The following PSMG2 variants were observed in gnomAD, a reference collection of about 807,000 sequenced individuals.
PSMG2 encodes the protein CD40 ligand-activated specific transcript 3.
Under a neutral mutation model 31.5 loss-of-function variants are expected in PSMG2, and 21 were observed. The ratio of observed to expected loss-of-function variants is 0.67; its 90% CI spans 0.47 to 0.96. The LOEUF (loss-of-function observed/expected upper bound fraction) is 0.96. Ranked by LOEUF, PSMG2 falls within the 40% of genes least tolerant of loss-of-function variation. PSMG2 has a pLI of 0.00. For missense variants in PSMG2, 318 were observed against 321.2 expected (o/e 0.99, Z 0.08); for synonymous variants, 120 against 110.4 (o/e 1.09, Z -0.54).
intron 2 of PSMG2, among the ~76,000 whole-genome samples, chr18:12,711,847 G>C (rs945744880): frequency 7.2e-6 from 1 of 139,300 alleles, no homozygotes; most frequent in Non-Finnish European, 1.5e-5. Context: ...TCCGCCCCCC[G>C]GGTTCACGCC....
intron 1 of PSMG2, chr18:12,678,131 A>T: frequency 6.2e-7 from 1 of 1,612,810 alleles, no homozygotes; most frequent in Non-Finnish European, 8.5e-7. Flanking sequence ...TGACACCAGG[A>T]GCCTCAGCTG....
chr18:12,699,992 C>A, upstream of PSMG2: 1 of 799,676 alleles, frequency 1.3e-6, no homozygotes, highest in South Asian at 2.2e-5. Flanking sequence ...AAGCACTGAA[C>A]CTAAAGTCAA....
At chr18:12,717,081 C>G (rs112756528) in intron 3 of PSMG2, among the ~76,000 whole-genome samples, 1 of 151,290 alleles carries the variant, frequency 6.6e-6, no homozygotes, top group Admixed American at 6.6e-5. Flanking sequence ...TCCTGAGTAC[C>G]TGGGGCTACA....
chr18:12,705,847 A>G (rs1257871853), intron 1 of PSMG2, among the ~76,000 whole-genome samples: 1 of 152,042 alleles, frequency 6.6e-6, no homozygotes, highest in East Asian at 1.9e-4. Flanking sequence ...ATTGCAATCA[A>G]CCATGTACAC....
At chr18:12,719,186 C>CAT (rs2040405970) in intron 4 of PSMG2, among the ~76,000 whole-genome samples, 1 of 151,938 alleles carries the variant, frequency 6.6e-6, no homozygotes, top group African/African-American at 2.4e-5. Flanking sequence ...ATTGGGATTG[C>CAT]ATGTGTGAGC....
chr18:12,675,499 A>G (rs1184105592), intron 1 of PSMG2, among the ~76,000 whole-genome samples: 2 of 152,196 alleles, frequency 1.3e-5, no homozygotes, highest in Non-Finnish European at 2.9e-5. Context: ...CAGAGGTGAG[A>G]AAAGTCAACA....
chr18:12,695,147 G>A (rs904920615), intron 1 of PSMG2: 5 of 476,310 alleles, frequency 1.0e-5, no homozygotes, highest in Admixed American at 4.1e-5. Context: ...AATCTAGAAA[G>A]TAATAAATGG....
intron 1 of PSMG2, chr18:12,673,357 TA>T (rs773471648): frequency 1.9e-5 from 30 of 1,599,818 alleles, no homozygotes; most frequent in Middle Eastern, 3.3e-4. Flanking sequence ...CTTATATAAA[TA>T]TTGGCCCTAT....
At chr18:12,689,782 A>G (rs181849485) in intron 1 of PSMG2, among the ~76,000 whole-genome samples, 211 of 150,888 alleles carry the variant, frequency 1.4e-3, no homozygotes, top group South Asian at 2.9e-3. Flanking sequence ...ATATATATGT[A>G]TATTTTTTGT....
intron 5 of PSMG2, 83 bp from the exon 6 acceptor site, chr18:12,724,416 A>C: frequency 7.4e-7 from 1 of 1,348,562 alleles, no homozygotes. Context: ...CAGGTAGGTT[A>C]TCGTAGCTGT....
At chr18:12,698,375 G>A (rs939060561), upstream of PSMG2, among the ~76,000 whole-genome samples, 5 of 152,066 alleles carry the variant, frequency 3.3e-5, no homozygotes, top group Non-Finnish European at 7.4e-5. Flanking sequence ...CGACATGTTG[G>A]CTAGGCTGGT....
intron 1 of PSMG2, among the ~76,000 whole-genome samples, chr18:12,681,996 TA>T (rs1163314226): frequency 1.6e-3 from 217 of 135,982 alleles, no homozygotes; most frequent in Middle Eastern, 3.6e-3. Flanking sequence ...ACTCTGTCTC[TA>T]AAAAAAAAAA....
intron 1 of PSMG2, among the ~76,000 whole-genome samples, chr18:12,705,200 G>T (rs533818014): frequency 1.9e-3 from 290 of 152,120 alleles, no homozygotes; most frequent in Non-Finnish European, 3.2e-3. Flanking sequence ...GAGTAGCTGG[G>T]ATTATAGGCA....
chr18:12,706,399 A>G, intron 1 of PSMG2, 151 bp from the exon 2 acceptor site: 2 of 702,494 alleles, frequency 2.8e-6, no homozygotes, highest in Non-Finnish European at 2.4e-6. Context: ...AGGCAGGAGA[A>G]TTGCTTCAAG....
At chr18:12,710,944 C>CA (rs1032110971) in intron 2 of PSMG2, among the ~76,000 whole-genome samples, 4 of 152,096 alleles carry the variant, frequency 2.6e-5, no homozygotes, top group Non-Finnish European at 2.9e-5. Flanking sequence ...TACTAAAATA[C>CA]AAAAAATTAA....
At chr18:12,717,513 C>T (rs2040388331) in intron 3 of PSMG2, among the ~76,000 whole-genome samples, 1 of 152,206 alleles carries the variant, frequency 6.6e-6, no homozygotes, top group African/African-American at 2.4e-5. Flanking sequence ...AGTAGGCTAG[C>T]AATGGTCACC....
intron 1 of PSMG2, chr18:12,662,183 C>T (rs1472033833): frequency 2.3e-6 from 1 of 429,796 alleles, no homozygotes; most frequent in Non-Finnish European, 4.6e-6. Context: ...GAAAAGTGCA[C>T]CAGAAAGGAA....
At chr18:12,678,246 T>C (rs903278909) in intron 1 of PSMG2, 9 of 1,614,062 alleles carry the variant, frequency 5.6e-6, no homozygotes, top group East Asian at 2.2e-5. Context: ...ACAGATTTAA[T>C]TGCTTCCTCA....
At chr18:12,698,737 G>A (rs1169126687), upstream of PSMG2, 4 of 506,430 alleles carry the variant, frequency 7.9e-6, no homozygotes, top group Non-Finnish European at 1.4e-5. Flanking sequence ...AGGTATTTAA[G>A]TGTGTATTAC....
Sources: allele counts gnomAD v4.1 joint callset (sites outside exome capture counted in the v4.1 genomes callset), GRCh38; gene constraint gnomAD v4.1.1; transcripts MANE v1.5; gene names NCBI Gene and HGNC (gene_info 2026-07-23, HGNC 2026-07-21).